Variants in MAVS observed in about 807,000 individuals in gnomAD.
MAVS encodes mitochondrial antiviral signaling protein.
Under a neutral mutation model 30.2 loss-of-function variants are expected in MAVS, and 20 were observed. The ratio of observed to expected loss-of-function variants is 0.66; its 90% CI spans 0.47 to 0.96. The LOEUF (loss-of-function observed/expected upper bound fraction) is 0.96, where lower values mean the gene tolerates loss of function less well. Ranked by LOEUF, MAVS falls within the 40% of genes least tolerant of loss-of-function variation. The pLI is 0.00. For missense variants in MAVS, 624 were observed against 701.1 expected, an observed-to-expected ratio of 0.89 and a Z score of 1.24; for synonymous variants, 278 against 293.9, an observed-to-expected ratio of 0.95 and a Z score of 0.55.
chr20:3,861,505 G>A lies in MAVS; in HGVS notation c.465+1G>A. On this transcript the variant is annotated splice_donor_variant, in intron 4 of 6. Coordinates refer to ENST00000428216, the MANE Select transcript of MAVS (RefSeq NM_020746.5). LOFTEE classifies it high-confidence loss of function. Reference sequence around the variant, plus strand: ...CCAGGCGCCAGAGTCCCCAGGAGAGGTCTGTCCTCATAGTCTACCTTGAGC... The same window carrying A: ...CCAGGCGCCAGAGTCCCCAGGAGAGATCTGTCCTCATAGTCTACCTTGAGC... 1 of 1,613,352 alleles carries A rather than the reference G, an allele frequency of 6.2e-7. No homozygotes were observed. The highest frequency in any genetic ancestry group is 8.5e-7 in the Non-Finnish European group (1 of 1,179,722).
At chr20:3,855,021 G>A (rs1380358105) in intron 2 of MAVS, among the ~76,000 whole-genome samples, 1 of 151,634 alleles carries the variant, frequency 6.6e-6, no homozygotes, top group Non-Finnish European at 1.5e-5. Flanking sequence ...CTCCTGAGTA[G>A]CTGGGATTAC....
rs147540673 is a variant in MAVS, at chr20:3,860,007, T to C, written c.293-1325T>C. Among the ~76,000 whole-genome samples, 92 of 151,910 alleles carry C rather than the reference T, an allele frequency of 6.1e-4. 1 individual carries two copies. The highest frequency in any genetic ancestry group is 1.2e-3 in the African/African-American group (49 of 41,444). ...AACTTTTTGTATTTTTTAGTAGAGA[T>C]GGGGTTTCACCGTGTTAGCCAGGAT... On this transcript the variant is annotated intron_variant, in intron 3 of 6. Coordinates refer to ENST00000428216, the MANE Select transcript of MAVS (RefSeq NM_020746.5).
chr20:3,866,224 C>T lies in MAVS; in HGVS notation c.*77C>T. On this transcript the variant is annotated 3_prime_UTR_variant, in exon 7 of 7. Transcript: ENST00000428216. ...CTGGCCCCTCTCCGAAGCCCCTTGTCCCTTTCTTGGGGATTGTGGAGGCTG... is the reference window on the plus strand; with the variant it reads ...CTGGCCCCTCTCCGAAGCCCCTTGTTCCTTTCTTGGGGATTGTGGAGGCTG... 7.4e-7 allele frequency: 1 copy of T among 1,356,592 alleles called. No individual in the cohort carries two copies. Among genetic ancestry groups the T allele is most frequent in the Non-Finnish European group, 9.9e-7 (1 of 1,015,184 alleles). 84.0% of individuals were successfully genotyped at this position (1,356,592 alleles called of 1,614,324 possible).
rs978790584 is a variant in MAVS at position 3,869,018 on chromosome 20, T to C, written c.*2871T>C. On this transcript the variant is annotated 3_prime_UTR_variant, in exon 7 of 7. Coordinates refer to ENST00000428216, the MANE Select transcript of MAVS (RefSeq NM_020746.5). Reference sequence around the variant, plus strand: ...CCCATCCTCCCATCTTTTTCTTTTTTCTTTTTTTTAGAGAATCACCCAGCC... The same window carrying C: ...CCCATCCTCCCATCTTTTTCTTTTTCCTTTTTTTTAGAGAATCACCCAGCC... 2 of 152,310 alleles carry C rather than the reference T, an allele frequency of 1.3e-5. No homozygotes were observed. Among genetic ancestry groups the C allele is most frequent in the Non-Finnish European group, 2.9e-5 (2 of 68,066 alleles). The allele number at this position is 152,310 out of a possible 1,614,324, so 9.4% of individuals were successfully genotyped here.
rs927730431 is a variant in MAVS, at chr20:3,868,216, C to G, written c.*2069C>G. Reference sequence around the variant, plus strand: ...TCCCCCACCACCAATCTTAAAAAGCCCTCTGTCCCCCTACCCTAAACCCCA... The same window carrying G: ...TCCCCCACCACCAATCTTAAAAAGCGCTCTGTCCCCCTACCCTAAACCCCA... On this transcript the variant is annotated 3_prime_UTR_variant, in exon 7 of 7. Transcript: ENST00000428216. 1 of 152,454 alleles carries G rather than the reference C, an allele frequency of 6.6e-6. No individual in the cohort carries two copies. Among genetic ancestry groups the G allele is most frequent in the East Asian group, 1.9e-4 (1 of 5,324 alleles). 9.4% of individuals were successfully genotyped at this position (152,454 alleles called of 1,614,324 possible).
At chr20:3,855,475 A>G (rs1455794903) in intron 2 of MAVS, among the ~76,000 whole-genome samples, 1 of 152,096 alleles carries the variant, frequency 6.6e-6, no homozygotes, top group East Asian at 1.9e-4. Flanking sequence ...GGGTCGCTCT[A>G]GCCCCAACAG....
chr20:3,857,678 C>T lies in MAVS; in HGVS notation c.161C>T (p.Thr54Ile). 1 of 1,614,202 alleles carries T rather than the reference C, an allele frequency of 6.2e-7. No homozygotes were observed. The highest frequency in any genetic ancestry group is 2.2e-5 in the East Asian group (1 of 44,884). The change falls in exon 3 of 7, where the codon ACC (threonine) becomes ATC (isoleucine). Residue 54 changes from threonine to isoleucine, a missense_variant. By Grantham distance (89) the Thr-to-Ile change is moderately conservative (BLOSUM62 -1). Coordinates refer to ENST00000428216, the MANE Select transcript of MAVS (RefSeq NM_020746.5). ...ATCTLSGNRD[T>I]LWHLFNTLQR... ...TGCACACTCTCAGGGAACCGGGACA[C>T]CCTCTGGCATCTCTTCAATACCCTT...
chr20:3,864,814 G>A, intron 6 of MAVS, 26 bp downstream of exon 6: 1 of 1,604,060 alleles, frequency 6.2e-7, no homozygotes, highest in Non-Finnish European at 8.5e-7. Context: ...TCCTGGCAGG[G>A]ATCCTGGCCC....
chr20:3,848,181 C>T (rs1262970586), intron 1 of MAVS, among the ~76,000 whole-genome samples: 1 of 151,998 alleles, frequency 6.6e-6, no homozygotes, highest in Non-Finnish European at 1.5e-5. Flanking sequence ...CTCACTGCAA[C>T]CTCTGCCTCC....
In MAVS at chr20:3,865,620, G is replaced by A. The variant is rs1006665382; in HGVS notation, c.1159-63G>A. 1.1e-5 allele frequency: 16 copies of A among 1,449,242 alleles called. No individual in the cohort carries two copies. The highest frequency in any genetic ancestry group is 2.4e-5 in the East Asian group (1 of 41,308). 89.8% of individuals were successfully genotyped at this position (1,449,242 alleles called of 1,614,324 possible). On this transcript the variant is annotated intron_variant, in intron 6 of 6. Transcript: ENST00000428216. This position sits in a 1 kb window ranked among gnomAD's most constrained non-coding sequence, Gnocchi z 4.7. ...CATGCCCTGGCCTGGGAATGGGACC[G>A]CCCTACCAGGTTCGTCTCCCTGCCA...
intron 1 of MAVS, among the ~76,000 whole-genome samples, chr20:3,850,451 G>A (rs1264538151): frequency 3.3e-5 from 5 of 150,860 alleles, no homozygotes; most frequent in African/African-American, 7.3e-5. Flanking sequence ...TTAGCGGGGC[G>A]TGGTGGCTCA....
intron 1 of MAVS, among the ~76,000 whole-genome samples, chr20:3,852,233 A>T (rs1012683980): frequency 1.3e-5 from 2 of 151,862 alleles, no homozygotes; most frequent in African/African-American, 4.8e-5. Context: ...TGACCTCGTG[A>T]TCCACCCGCC....
At chr20:3,855,683 G>A (rs1600446160) in intron 2 of MAVS, among the ~76,000 whole-genome samples, 2 of 152,330 alleles carry the variant, frequency 1.3e-5, no homozygotes, top group South Asian at 4.1e-4. Context: ...TTAGTATGCA[G>A]GTCTGTTTGG....
chr20:3,865,226 G>A lies in MAVS; in HGVS notation c.1158+438G>A, dbSNP rs1008916220. 2.0e-5 allele frequency among the ~76,000 whole-genome samples: 3 copies of A among 152,132 alleles called. No homozygotes were observed. Among genetic ancestry groups the A allele is most frequent in the Non-Finnish European group, 4.4e-5 (3 of 68,022 alleles). ...GCTTTACAGAACGCAGTCCCACCTG[G>A]AGCAGCCACTCGGACCCAGCAGCCC... On this transcript the variant is annotated intron_variant, in intron 6 of 6. Transcript: ENST00000428216. The surrounding 1 kb of genome is among the most constrained non-coding windows in gnomAD (Gnocchi z 4.7).
intron 3 of MAVS, 34 bp downstream of exon 3, chr20:3,857,843 A>G (rs994217537): frequency 6.2e-7 from 1 of 1,611,550 alleles, no homozygotes. Context: ...CTGGACCCCC[A>G]GCCTGCTCCC....
chr20:3,854,891 C>CTTTTTTTT (rs61256246), intron 2 of MAVS, 150 bp downstream of exon 2: 26 of 304,144 alleles, frequency 8.5e-5, no homozygotes, highest in East Asian at 3.0e-4. Flanking sequence ...TGCTGCTTTT[C>CTTTTTTTT]TTTTTTTTTT....
At chr20:3,859,412 G>A (rs2089843950) in intron 3 of MAVS, among the ~76,000 whole-genome samples, 1 of 151,880 alleles carries the variant, frequency 6.6e-6, no homozygotes, top group Non-Finnish European at 1.5e-5. Flanking sequence ...GGAGGCTGAG[G>A]CAGGAGAATT....
chr20:3,872,176 A>T lies in MAVS; in HGVS notation c.*6029A>T, dbSNP rs902921717. ...AGATTTTGGCTGGAGGTGGTGGATCATACCTATAATCCCAGCACTTTGGGA... is the reference window on the plus strand; with the variant it reads ...AGATTTTGGCTGGAGGTGGTGGATCTTACCTATAATCCCAGCACTTTGGGA... On this transcript the variant is annotated 3_prime_UTR_variant, in exon 7 of 7. Transcript: ENST00000428216. The T allele has an allele frequency of 6.6e-6, 1 of 152,458 alleles. No individual in the cohort carries two copies. Among genetic ancestry groups the T allele is most frequent in the African/African-American group, 2.4e-5 (1 of 41,442 alleles). 9.4% of individuals were successfully genotyped at this position (152,458 alleles called of 1,614,324 possible).
At position 3,866,420 on chromosome 20, in the gene MAVS, AG is replaced by A. The variant is rs2089909484; in HGVS notation, c.*275del. Reference sequence around the variant, plus strand: ...TCCAGACCTTCCCCACTGGCAATCCAGGTTATCATCCATGTCCTCCAGAGGA... The same window carrying A: ...TCCAGACCTTCCCCACTGGCAATCCAGTTATCATCCATGTCCTCCAGAGGA... On this transcript the variant is annotated 3_prime_UTR_variant, in exon 7 of 7. Coordinates refer to ENST00000428216, the MANE Select transcript of MAVS (RefSeq NM_020746.5). 2.0e-6 allele frequency: 1 copy of A among 500,818 alleles called. No individual in the cohort carries two copies. Among genetic ancestry groups the A allele is most frequent in the Non-Finnish European group, 3.5e-6 (1 of 282,838 alleles). 31.0% of individuals were successfully genotyped at this position (500,818 alleles called of 1,614,324 possible).
Sources: allele counts gnomAD v4.1 joint callset (sites outside exome capture counted in the v4.1 genomes callset), GRCh38; gene constraint gnomAD v4.1.1; non-coding constraint Gnocchi (gnomAD v3.1); transcripts MANE v1.5; gene names NCBI Gene and HGNC (gene_info 2026-07-23, HGNC 2026-07-21).